Variants in FAXC observed in about 807,000 individuals in gnomAD.
FAXC encodes failed axon connections homolog.
In FAXC, 10 loss-of-function variants were observed where a neutral mutation model predicts 41.9. That is an observed-to-expected ratio of 0.24 (90% CI 0.15 to 0.41). The LOEUF is 0.41. Among genes scored for constraint, FAXC ranks in the 10% least tolerant of loss-of-function variants. The pLI, the probability that FAXC is intolerant of heterozygous loss-of-function variation, is 1.00. For missense variants in FAXC, 399 were observed against 510.9 expected (o/e 0.78, Z 2.11); for synonymous variants, 183 against 183.8 (o/e 1.00, Z 0.03).
intron 5 of FAXC, among the ~76,000 whole-genome samples, chr6:99,290,377 T>C (rs985511278): frequency 2.0e-5 from 3 of 152,052 alleles, no homozygotes; most frequent in Non-Finnish European, 4.4e-5. Flanking sequence ...AGTACTAAGA[T>C]TGTGTTTCTT....
At chr6:99,347,098 C>T (rs1773623413) in intron 1 of FAXC, among the ~76,000 whole-genome samples, 1 of 148,680 alleles carries the variant, frequency 6.7e-6, no homozygotes, top group South Asian at 2.1e-4. Flanking sequence ...CCCATCTCCA[C>T]AAAAAAGTTA....
At chr6:99,304,047 G>T (rs1342960112) in intron 4 of FAXC, among the ~76,000 whole-genome samples, 1 of 152,288 alleles carries the variant, frequency 6.6e-6, no homozygotes, top group Middle Eastern at 3.4e-3. Flanking sequence ...TTTGGGAGCT[G>T]AGGCGGGTGG....
chr6:99,349,819 C>G (rs1306241965), upstream of FAXC, among the ~76,000 whole-genome samples: 2 of 151,996 alleles, frequency 1.3e-5, no homozygotes, highest in African/African-American at 4.8e-5. Context: ...CGGGCAGGCT[C>G]CGCGCCTCCG....
At chr6:99,318,753 A>C (rs192111566) in intron 4 of FAXC, among the ~76,000 whole-genome samples, 25 of 152,316 alleles carry the variant, frequency 1.6e-4, no homozygotes, top group Non-Finnish European at 1.5e-5. Context: ...TATTGTTCTG[A>C]ACCTCATTTT....
chr6:99,336,064 G>A (rs997745396), intron 2 of FAXC, among the ~76,000 whole-genome samples: 2 of 151,896 alleles, frequency 1.3e-5, no homozygotes, highest in Non-Finnish European at 2.9e-5. Context: ...TCTAAATGTG[G>A]TCGTATAATT....
intron 5 of FAXC, 141 bp from the exon 6 acceptor site, chr6:99,281,594 T>C (rs1770839216): frequency 1.5e-6 from 1 of 683,694 alleles, no homozygotes; most frequent in South Asian, 1.8e-5. Context: ...CTTTAAGAGG[T>C]GGTTCGTTCA....
intron 4 of FAXC, among the ~76,000 whole-genome samples, chr6:99,321,089 A>T (rs1317660271): frequency 6.6e-6 from 1 of 152,222 alleles, no homozygotes; most frequent in Non-Finnish European, 1.5e-5. Flanking sequence ...GCCACCAGGG[A>T]TCAGCAGTAC....
intron 5 of FAXC, among the ~76,000 whole-genome samples, chr6:99,286,561 C>T (rs1303231435): frequency 1.3e-5 from 2 of 152,134 alleles, no homozygotes; most frequent in East Asian, 3.9e-4. Flanking sequence ...TTTCCTAGAG[C>T]ACAGAAGGTT....
At chr6:99,325,966 G>A (rs1331203722) in intron 3 of FAXC, among the ~76,000 whole-genome samples, 1 of 152,216 alleles carries the variant, frequency 6.6e-6, no homozygotes, top group Non-Finnish European at 1.5e-5. Context: ...GCAGAGCAGA[G>A]GGTGAAGGTG....
intron 2 of FAXC, among the ~76,000 whole-genome samples, chr6:99,340,515 C>T (rs1773385688): frequency 7.5e-6 from 1 of 132,690 alleles, no homozygotes; most frequent in Non-Finnish European, 1.6e-5. Flanking sequence ...CACATAAAGA[C>T]TCACTCTAAA....
chr6:99,323,525 C>T lies in FAXC; in HGVS notation c.742G>A (p.Gly248Ser), dbSNP rs1562175017. The T allele has an allele frequency of 2.5e-6, 4 of 1,614,118 alleles. No individual in the cohort carries two copies. The highest frequency in any genetic ancestry group is 1.7e-5 in the Admixed American group (1 of 60,014). The change falls in exon 4 of 6, where the codon GGC (glycine) becomes AGC (serine). Residue 248 changes from glycine to serine, a missense_variant. Around this residue, in one of 3 missense-constraint regions of FAXC, gnomAD observed 239 missense variants for 352.7 expected, o/e 0.68. Transcript: ENST00000389677. Reference protein sequence around the residue: ...TKGIVKREMHGHGIGRFSEEE... With the variant: ...TKGIVKREMHSHGIGRFSEEE... The stretch of plus-strand genomic sequence containing the variant: ...TCGGAGAAGCGGCCAATGCCGTGGC[C>T]GTGCATCTCGCGTTTCACAATTCCT...
chr6:99,309,289 G>C (rs1772064520), intron 4 of FAXC, among the ~76,000 whole-genome samples: 1 of 151,954 alleles, frequency 6.6e-6, no homozygotes, highest in Non-Finnish European at 1.5e-5. Context: ...GCTTTTCTCA[G>C]AGGAAGAAAA....
At position 99,342,884 on chromosome 6, in the gene FAXC, T is replaced by C. The variant is rs1290561762; in HGVS notation, c.402+14A>G. 1 of 1,582,280 alleles carries C rather than the reference T, an allele frequency of 6.3e-7. No individual in the cohort carries two copies. The highest frequency in any genetic ancestry group is 8.6e-7 in the Non-Finnish European group (1 of 1,169,358). On this transcript the variant is annotated intron_variant, in intron 2 of 5. Transcript: ENST00000389677. ...CTGATGTCATAAAAAGAAAACATAT[T>C]TGCACACAAGTACCTGATACGGTAA...
chr6:99,289,809 C>T (rs1203154611), intron 5 of FAXC, among the ~76,000 whole-genome samples: 2 of 151,854 alleles, frequency 1.3e-5, no homozygotes, highest in Admixed American at 6.6e-5. Flanking sequence ...GTGCTCAGAA[C>T]ACTTACATTA....
At chr6:99,310,419 T>C (rs1772110526) in intron 4 of FAXC, among the ~76,000 whole-genome samples, 1 of 152,194 alleles carries the variant, frequency 6.6e-6, no homozygotes, top group African/African-American at 2.4e-5. Flanking sequence ...CCAGACCCCT[T>C]TCCCAGAGGC....
intron 4 of FAXC, among the ~76,000 whole-genome samples, chr6:99,319,939 A>G (rs1055710676): frequency 1.3e-5 from 2 of 152,208 alleles, no homozygotes; most frequent in Admixed American, 6.5e-5. Flanking sequence ...TCAGCTACAT[A>G]ATCTCCTAAT....
intron 2 of FAXC, chr6:99,334,564 T>C (rs777209346): frequency 1.1e-4 from 105 of 940,340 alleles, no homozygotes; most frequent in Non-Finnish European, 1.3e-4. Context: ...CTAATACATC[T>C]AACATTCTTG....
At chr6:99,295,290 T>C (rs1771439652) in intron 4 of FAXC, among the ~76,000 whole-genome samples, 1 of 152,230 alleles carries the variant, frequency 6.6e-6, no homozygotes, top group Non-Finnish European at 1.5e-5. Flanking sequence ...GTCCTCATAA[T>C]ACCTGATGGC....
At chr6:99,289,667 A>G (rs2128449010) in intron 5 of FAXC, among the ~76,000 whole-genome samples, 1 of 141,190 alleles carries the variant, frequency 7.1e-6, no homozygotes, top group East Asian at 2.1e-4. Flanking sequence ...ATATATATGT[A>G]TATGTAAATG....
Sources: allele counts gnomAD v4.1 joint callset (sites outside exome capture counted in the v4.1 genomes callset), GRCh38; gene constraint gnomAD v4.1.1; regional missense constraint gnomAD v4.1.1; transcripts MANE v1.5; gene names NCBI Gene and HGNC (gene_info 2026-07-23, HGNC 2026-07-21).